DCDC2B: variants seen among roughly 807,000 people sequenced by gnomAD.
The protein encoded by DCDC2B is doublecortin domain containing 2B, also known as doublecortin domain-containing protein 2B.
In DCDC2B, 41 loss-of-function variants were observed where a neutral mutation model predicts 38.9. The observed-to-expected ratio is 1.05, with a 90% CI of 0.82 to 1.37. The LOEUF (loss-of-function observed/expected upper bound fraction) is 1.37, where lower values mean the gene tolerates loss of function less well. DCDC2B is among the 40% of genes most tolerant of loss of function. The probability of loss-of-function intolerance (pLI) is 0.00; values close to 1 mark genes in which losing one functional copy is unlikely to be tolerated. For missense variants in DCDC2B, 453 were observed against 427.2 expected (o/e 1.06, Z -0.53); for synonymous variants, 181 against 171.9 (o/e 1.05, Z -0.41).
chr1:32,211,686 T>C, intron 2 of DCDC2B, 75 bp from the exon 3 acceptor site: 2 of 1,494,960 alleles, frequency 1.3e-6, no homozygotes, highest in South Asian at 1.2e-5. Flanking sequence ...GCCCCCTCAC[T>C]CCACACCTTG....
intron 1 of DCDC2B, among the ~76,000 whole-genome samples, chr1:32,210,853 C>T (rs183655751): frequency 6.6e-6 from 1 of 151,664 alleles, no homozygotes; most frequent in Non-Finnish European, 1.5e-5. Context: ...TAGCTGGGGC[C>T]ACAGGTGCAT....
chr1:32,211,897 T>A (rs2124207552), intron 3 of DCDC2B, 60 bp downstream of exon 3: 1 of 1,561,900 alleles, frequency 6.4e-7, no homozygotes, highest in Admixed American at 1.9e-5. Flanking sequence ...GCCAAGAAAA[T>A]GGTGTTGGGT....
chr1:32,214,757 G>A (rs944184057), intron 6 of DCDC2B, 40 bp from the exon 7 acceptor site: 1 of 1,611,658 alleles, frequency 6.2e-7, no homozygotes, highest in Non-Finnish European at 8.5e-7. Context: ...AGGTAAGAAT[G>A]GCCAGCAATC....
chr1:32,211,432 A>T (rs1643578900), intron 2 of DCDC2B, 109 bp downstream of exon 2: 1 of 1,141,604 alleles, frequency 8.8e-7, no homozygotes, highest in East Asian at 2.5e-5. Context: ...TGCCAGTTCC[A>T]GGGGGGTACT....
rs922193958 is a variant in DCDC2B at position 32,215,828 on chromosome 1, C to G, written c.981C>G (p.Ala327=). ...GGGCAGCACAGATAGTGGAAGAGGC[C>G]TTGTCCCTGGAAAACCAGCCTGGGG... ...DQRAAQIVEE[A]LSLENQPGAG... The change falls in exon 9 of 9, where the codon GCC becomes GCG. Residue 327 remains alanine, a synonymous_variant. Coordinates refer to ENST00000409358, the MANE Select transcript of DCDC2B (RefSeq NM_001099434.2). 3.2e-6 allele frequency: 5 copies of G among 1,553,000 alleles called. No homozygotes were observed. Among genetic ancestry groups the G allele is most frequent in the Non-Finnish European group, 4.4e-6 (5 of 1,147,776 alleles).
intron 3 of DCDC2B, 43 bp from the exon 4 acceptor site, chr1:32,212,027 G>T: frequency 6.3e-7 from 1 of 1,595,148 alleles, no homozygotes; most frequent in Non-Finnish European, 8.6e-7. Context: ...TCACATGTAG[G>T]GACTCCTGGG....
In DCDC2B at chr1:32,210,776, G is replaced by A. The variant is rs980944212; in HGVS notation, c.267-496G>A. Among the ~76,000 whole-genome samples the A allele has an allele frequency of 7.9e-5, 12 of 151,870 alleles. No homozygotes were observed. In the South Asian group the frequency reaches 8.3e-4, roughly 11 times the overall value. On this transcript the variant is annotated intron_variant, in intron 1 of 8. Transcript: ENST00000409358. Reference sequence around the variant, plus strand: ...CCAGGCCGGAGTGCAGTGCACTGGCGCGATCATGGCTCACTGCAGCCTCGA... The same window carrying A: ...CCAGGCCGGAGTGCAGTGCACTGGCACGATCATGGCTCACTGCAGCCTCGA...
In DCDC2B at chr1:32,214,289, G is replaced by A. The variant is rs186176598; in HGVS notation, c.715-508G>A. ...ATCACACCACTGCACTCCAGCCTGGGTGAGAGAGTAAGACTCAAGTCTCAA... is the reference window on the plus strand; with the variant it reads ...ATCACACCACTGCACTCCAGCCTGGATGAGAGAGTAAGACTCAAGTCTCAA... On this transcript the variant is annotated intron_variant, in intron 6 of 8. Transcript: ENST00000409358. Among the ~76,000 whole-genome samples the A allele has an allele frequency of 4.5e-3, 660 of 145,248 alleles. 4 individuals carry two copies. The highest frequency in any genetic ancestry group is 7.8e-3 in the Non-Finnish European group (521 of 66,734).
chr1:32,215,853 G>A lies in DCDC2B; in HGVS notation c.1006G>A (p.Ala336Thr). 6.4e-7 allele frequency: 1 copy of A among 1,552,964 alleles called. No individual in the cohort carries two copies. The change falls in exon 9 of 9, where the codon GCT becomes ACT. Residue 336 changes from alanine to threonine, a missense_variant. Physicochemically the swap from Ala to Thr is moderately conservative, Grantham distance 58. Transcript: ENST00000409358. Reference sequence around the variant, plus strand: ...CTTGTCCCTGGAAAACCAGCCTGGGGCTGGGGCTGCTATCTCAGCCTCAGC... The same window carrying A: ...CTTGTCCCTGGAAAACCAGCCTGGGACTGGGGCTGCTATCTCAGCCTCAGC... ...EALSLENQPG[A>T]GAAISASAPA...
chr1:32,215,367 C>A, intron 7 of DCDC2B, 73 bp from the exon 8 acceptor site: 1 of 1,270,418 alleles, frequency 7.9e-7, no homozygotes, highest in Non-Finnish European at 1.1e-6. Context: ...AAGGGGCTAG[C>A]ATGAAGGTCC....
chr1:32,214,695 A>C (rs541681390), intron 6 of DCDC2B, 102 bp from the exon 7 acceptor site: 13 of 1,518,994 alleles, frequency 8.6e-6, no homozygotes, highest in Non-Finnish European at 1.2e-5. Flanking sequence ...CTCCTCTGCC[A>C]TGTTCCTGCA....
Position 32,212,208 on chromosome 1 carries a change from A to G in DCDC2B, c.527+7A>G, listed in dbSNP as rs1429612028. The G allele has an allele frequency of 6.2e-7, 1 of 1,611,514 alleles. No homozygotes were observed. Among genetic ancestry groups the G allele is most frequent in the Admixed American group, 1.7e-5 (1 of 59,994 alleles). ...AGAGTGGGGCTGTGTGCAAGTGAGT[A>G]TGGGGACTGCGAGGGCCCAAAAGTC... On this transcript the variant is annotated splice_region_variant and intron_variant, in intron 4 of 8. Coordinates refer to ENST00000409358, the MANE Select transcript of DCDC2B (RefSeq NM_001099434.2).
chr1:32,213,134 G>C (rs1643657116), intron 6 of DCDC2B, among the ~76,000 whole-genome samples: 1 of 152,148 alleles, frequency 6.6e-6, no homozygotes, highest in South Asian at 2.1e-4. Context: ...CTGACCTTGT[G>C]ATCTGCCCGC....
At chr1:32,215,052 G>GT in intron 7 of DCDC2B, 120 bp downstream of exon 7, 2 of 1,252,198 alleles carry the variant, frequency 1.6e-6, no homozygotes, top group Non-Finnish European at 2.1e-6. Flanking sequence ...AGCCGGCACT[G>GT]GAAAAAAAAA....
intron 6 of DCDC2B, among the ~76,000 whole-genome samples, chr1:32,213,193 GCCT>G (rs772282207): frequency 6.7e-6 from 1 of 148,984 alleles, no homozygotes; most frequent in East Asian, 2.0e-4. Context: ...ACCGTGCCCG[GCCT>G]CCTTTTTTCT....
intron 1 of DCDC2B, 68 bp downstream of exon 1, chr1:32,209,427 C>G: frequency 6.4e-7 from 1 of 1,566,024 alleles, no homozygotes; most frequent in Non-Finnish European, 8.7e-7. Flanking sequence ...TATTCAGTAC[C>G]TACCATGTAT....
Position 32,212,098 on chromosome 1 carries a change from C to A in DCDC2B, c.424C>A (p.Pro142Thr). ...HVFRNGDLVS[P>T]PFSLKLSQAA... is the part of the protein sequence containing the mutation. ...GTTCAGGAATGGGGACCTGGTAAGT[C>A]CCCCATTTAGTCTGAAGCTGTCCCA... is the stretch of plus-strand genomic sequence containing the variant. The change falls in exon 4 of 9, where the codon CCC (proline) becomes ACC (threonine). Residue 142 changes from proline (P) to threonine (T), a missense_variant. Coordinates refer to ENST00000409358, the MANE Select transcript of DCDC2B (RefSeq NM_001099434.2). 6.2e-7 allele frequency: 1 copy of A among 1,613,834 alleles called. No homozygotes were observed. Among genetic ancestry groups the A allele is most frequent in the South Asian group, 1.1e-5 (1 of 91,010 alleles).
intron 4 of DCDC2B, 40 bp from the exon 5 acceptor site, chr1:32,212,450 G>T (rs371377434): frequency 6.2e-7 from 1 of 1,606,188 alleles, no homozygotes; most frequent in Non-Finnish European, 8.5e-7. Context: ...AAGAAGCATC[G>T]AGTCTACCAG....
intron 4 of DCDC2B, 128 bp downstream of exon 4, chr1:32,212,329 C>A: frequency 6.5e-7 from 1 of 1,529,192 alleles, no homozygotes; most frequent in Admixed American, 1.9e-5. Context: ...CCCTATGCCA[C>A]TGGGAGAGGG....
Sources: gnomAD v4.1 joint callset for allele counts (sites outside exome capture counted in the v4.1 genomes callset) on GRCh38, gnomAD v4.1.1 for gene constraint, MANE v1.5 for transcripts, NCBI Gene and HGNC (gene_info 2026-07-23, HGNC 2026-07-21) for gene names.